KPNA6: variants seen among roughly 807,000 people sequenced by gnomAD.
KPNA6 encodes karyopherin subunit alpha 6.
A neutral mutation model predicts 72.0 loss-of-function variants in KPNA6; 9 were observed. The ratio of observed to expected loss-of-function variants is 0.13; its 90% CI spans 0.08 to 0.22. The LOEUF is 0.22. Among genes scored for constraint, KPNA6 ranks in the 10% least tolerant of loss-of-function variants. The pLI is 1.00. For synonymous variants in KPNA6, 219 were observed against 242.1 expected (o/e 0.90, Z 0.89); for missense variants, 374 against 655.7 (o/e 0.57, Z 4.69).
chr1:32,157,049 C>T, intron 3 of KPNA6, 104 bp downstream of exon 3: 1 of 794,416 alleles, frequency 1.3e-6, no homozygotes, highest in South Asian at 1.6e-5. Context: ...GTAACCATGA[C>T]AAGTTCTTTC....
chr1:32,162,931 C>T (rs1277247306), intron 9 of KPNA6, among the ~76,000 whole-genome samples: 3 of 151,604 alleles, frequency 2.0e-5, no homozygotes, highest in South Asian at 4.2e-4. Flanking sequence ...GGTGAAACCC[C>T]GTCTCTACTA....
In KPNA6 at chr1:32,135,781, G is replaced by GT. The variant is rs907498090; in HGVS notation, c.5-18794dup. ...CCATGCCTGGCCATAGAGTTATGGGGTTTTTTTTTTTTTAGGATGATGAAG... is the reference window on the plus strand; with the variant it reads ...CCATGCCTGGCCATAGAGTTATGGGGTTTTTTTTTTTTTTAGGATGATGAAG... On this transcript the variant is annotated intron_variant, in intron 1 of 13. Coordinates refer to ENST00000373625, the MANE Select transcript of KPNA6 (RefSeq NM_012316.5). Among the ~76,000 whole-genome samples, 697 of 141,498 alleles carry GT rather than the reference G, an allele frequency of 4.9e-3. 3 individuals carry two copies. Among genetic ancestry groups the GT allele is most frequent in the African/African-American group, 7.2e-3 (282 of 38,944 alleles). The allele number at this position is 141,498 out of a possible 152,430, so 92.8% of individuals were successfully genotyped here. A position where few individuals can be genotyped will look rare whatever the true frequency, so the allele number is the denominator to read the frequency against.
chr1:32,138,134 C>CAA (rs1192542076), intron 1 of KPNA6, among the ~76,000 whole-genome samples: 3 of 73,954 alleles, frequency 4.1e-5, no homozygotes, highest in African/African-American at 1.0e-4. Flanking sequence ...AAACTCTGTC[C>CAA]AAAAAAAAAA....
At chr1:32,117,919 TTTC>T (rs1343916332) in intron 1 of KPNA6, among the ~76,000 whole-genome samples, 2 of 152,072 alleles carry the variant, frequency 1.3e-5, no homozygotes, top group African/African-American at 2.4e-5. Context: ...CTCACCTGTT[TTTC>T]TTTTCTTTTT....
At position 32,173,220 on chromosome 1, in the gene KPNA6, ATTGTTCTC is replaced by A. The variant is rs1191252498; in HGVS notation, c.*2329_*2336del. The A allele has an allele frequency of 7.8e-5, 30 of 385,816 alleles. No individual in the cohort carries two copies. The highest frequency in any genetic ancestry group is 3.9e-4 in the African/African-American group (18 of 46,394). The allele number at this position is 385,816 out of a possible 1,614,324, so 23.9% of individuals were successfully genotyped here. ...GCCTTCCCCTACCCAACCTCCGCCC[ATTGTTCTC>A]TTCCAAAGGGCAATTTAGTAGGATC... On this transcript the variant is annotated 3_prime_UTR_variant, in exon 14 of 14. Transcript: ENST00000373625.
intron 7 of KPNA6, 133 bp from the exon 8 acceptor site, chr1:32,161,814 C>A: frequency 4.4e-6 from 3 of 674,218 alleles, no homozygotes; most frequent in Non-Finnish European, 7.9e-6. Context: ...GCTCTATTAA[C>A]TTAGGTCTGT....
In KPNA6 at chr1:32,170,800, A is replaced by G; in HGVS notation, c.1517A>G (p.Asp506Gly). The G allele has an allele frequency of 6.2e-7, 1 of 1,614,192 alleles. No homozygotes were observed. Among genetic ancestry groups the G allele is most frequent in the South Asian group, 1.1e-5 (1 of 91,084 alleles). ...ATTGAGCACTACTTTGGTGTAGAAG[A>G]CGATGATAGCAGCCTGGCTCCCCAA... Reference protein sequence around the residue: ...DLIEHYFGVEDDDSSLAPQVD... With the variant: ...DLIEHYFGVEGDDSSLAPQVD... Residue 506 changes from aspartate (D) to glycine (G), a missense_variant, in exon 14 of 14, where the codon GAC becomes GGC. Coordinates refer to ENST00000373625, the MANE Select transcript of KPNA6 (RefSeq NM_012316.5).
At chr1:32,146,314 G>GT (rs1358650764) in intron 1 of KPNA6, among the ~76,000 whole-genome samples, 1 of 152,142 alleles carries the variant, frequency 6.6e-6, no homozygotes, top group Non-Finnish European at 1.5e-5. Flanking sequence ...TATTGCATAT[G>GT]TTTTTTAATA....
intron 1 of KPNA6, among the ~76,000 whole-genome samples, chr1:32,137,918 TGAGGTCAGGAGTTC>T (rs1452421788): frequency 6.6e-5 from 10 of 152,130 alleles, no homozygotes; most frequent in African/African-American, 2.4e-4. Context: ...GCAGATCACT[TGAGGTCAGGAGTTC>T]GAGACCAGCC....
intron 1 of KPNA6, among the ~76,000 whole-genome samples, chr1:32,150,520 T>C (rs1642010065): frequency 6.6e-6 from 1 of 152,192 alleles, no homozygotes; most frequent in Non-Finnish European, 1.5e-5. Flanking sequence ...ATGAGAGCAC[T>C]TGAAACCATC....
At chr1:32,165,440 G>A (rs1642314753) in intron 10 of KPNA6, among the ~76,000 whole-genome samples, 1 of 152,042 alleles carries the variant, frequency 6.6e-6, no homozygotes, top group South Asian at 2.1e-4. Flanking sequence ...TGTAATTCCA[G>A]CACTTTGGGA....
chr1:32,118,800 A>G (rs2124523890), intron 1 of KPNA6, among the ~76,000 whole-genome samples: 1 of 151,952 alleles, frequency 6.6e-6, no homozygotes, highest in East Asian at 1.9e-4. Flanking sequence ...TCTTTAAAAA[A>G]TAAAAATGAA....
intron 1 of KPNA6, among the ~76,000 whole-genome samples, chr1:32,153,585 A>AAG (rs1185916613): frequency 1.3e-5 from 2 of 151,530 alleles, no homozygotes; most frequent in Admixed American, 6.6e-5. Flanking sequence ...AAAAAAAAAA[A>AAG]AAAAAGAAGA....
chr1:32,143,959 T>C (rs1641886764), intron 1 of KPNA6, among the ~76,000 whole-genome samples: 1 of 152,224 alleles, frequency 6.6e-6, no homozygotes, highest in Admixed American at 6.5e-5. Context: ...CCATATGCAG[T>C]AGTCCTTGCC....
chr1:32,110,056 A>ATTTTTTTT (rs750004100), intron 1 of KPNA6, among the ~76,000 whole-genome samples: 96 of 118,300 alleles, frequency 8.1e-4, no homozygotes, highest in African/African-American at 3.0e-3. Context: ...CTGGAATTGA[A>ATTTTTTTT]TTTTTTTTTT....
intron 12 of KPNA6, among the ~76,000 whole-genome samples, chr1:32,169,642 AG>A (rs1642401443): frequency 9.0e-6 from 1 of 111,248 alleles, no homozygotes. Context: ...ATTTTTTTTT[AG>A]TAGAGACGGG....
At chr1:32,159,602 C>T (rs996929396) in intron 6 of KPNA6, 71 bp downstream of exon 6, 62 of 1,531,946 alleles carry the variant, frequency 4.0e-5, no homozygotes, top group Non-Finnish European at 5.4e-5. Flanking sequence ...GGTCTTTGTC[C>T]TGGTTCTTGG....
At chr1:32,124,845 A>G (rs1463409889) in intron 1 of KPNA6, among the ~76,000 whole-genome samples, 1 of 144,134 alleles carries the variant, frequency 6.9e-6, no homozygotes, top group African/African-American at 2.6e-5. Flanking sequence ...CGTTTAACTT[A>G]TTTATTTATT....
chr1:32,149,574 T>C (rs1557475114), intron 1 of KPNA6, among the ~76,000 whole-genome samples: 1 of 152,128 alleles, frequency 6.6e-6, no homozygotes, highest in South Asian at 2.1e-4. Flanking sequence ...TTCCCTGTTT[T>C]TGTGTGTGTG....
Sources: gnomAD v4.1 joint callset for allele counts (sites outside exome capture counted in the v4.1 genomes callset) on GRCh38, gnomAD v4.1.1 for gene constraint, MANE v1.5 for transcripts, NCBI Gene and HGNC (gene_info 2026-07-23, HGNC 2026-07-21) for gene names.